Variants in WDTC1 observed in about 807,000 individuals in gnomAD.
WDTC1 encodes WD and tetratricopeptide repeats protein 1.
Under a neutral mutation model 76.0 loss-of-function variants are expected in WDTC1, and 12 were observed. The observed-to-expected ratio is 0.16, with a 90% confidence interval of 0.10 to 0.26. The LOEUF (loss-of-function observed/expected upper bound fraction) is 0.26. Among genes scored for constraint, WDTC1 ranks in the 10% least tolerant of loss-of-function variants. The pLI is 1.00. For missense variants in WDTC1, 511 were observed against 908.8 expected (o/e 0.56, Z 5.63); for synonymous variants, 326 against 350.8 (o/e 0.93, Z 0.79).
intron 1 of WDTC1, among the ~76,000 whole-genome samples, chr1:27,251,785 C>T (rs1400922760): frequency 6.6e-6 from 1 of 151,624 alleles, no homozygotes; most frequent in Admixed American, 6.6e-5. Context: ...TATGATCGCA[C>T]CACTATATAG....
Position 27,234,827 on chromosome 1 carries a change from G to A in WDTC1, c.-224G>A, listed in dbSNP as rs935881973. The A allele has an allele frequency of 1.5e-5, 6 of 397,220 alleles. No homozygotes were observed. The highest frequency in any genetic ancestry group is 8.3e-5 in the African/African-American group (4 of 48,470). 24.6% of individuals were successfully genotyped at this position (397,220 alleles called of 1,614,324 possible). A position where few individuals can be genotyped will look rare whatever the true frequency, so the allele number is the denominator to read the frequency against. On this transcript the variant is annotated 5_prime_UTR_variant, in exon 1 of 16. Coordinates refer to ENST00000319394, the MANE Select transcript of WDTC1 (RefSeq NM_001276252.2). Reference sequence around the variant, plus strand: ...GGGAGCATGGGAAGGGGCTAGAACTGCTCGAGCCCCCCAGCCCCCTCCCCG... The same window carrying A: ...GGGAGCATGGGAAGGGGCTAGAACTACTCGAGCCCCCCAGCCCCCTCCCCG...
At chr1:27,260,745 G>C (rs569173212) in intron 1 of WDTC1, among the ~76,000 whole-genome samples, 49 of 152,296 alleles carry the variant, frequency 3.2e-4, no homozygotes, top group Admixed American at 9.1e-4. Flanking sequence ...TTCCGTGTTT[G>C]TTCCAATGCT....
intron 1 of WDTC1, among the ~76,000 whole-genome samples, chr1:27,258,830 C>T (rs1221182937): frequency 1.3e-5 from 2 of 152,108 alleles, no homozygotes; most frequent in Non-Finnish European, 2.9e-5. Context: ...TAGAGGAGGC[C>T]AGCTGGTGAG....
chr1:27,298,122 A>G lies in WDTC1; in HGVS notation c.1232+11A>G. On this transcript the variant is annotated intron_variant, in intron 12 of 15. Coordinates refer to ENST00000319394, the MANE Select transcript of WDTC1 (RefSeq NM_001276252.2). ...CATGAAGCGCAAGTGGTGAGTGGCCACTGCAGAGGGGATCTGGGTCAGGAT... is the reference window on the plus strand; with the variant it reads ...CATGAAGCGCAAGTGGTGAGTGGCCGCTGCAGAGGGGATCTGGGTCAGGAT... 2 of 1,581,320 alleles carry G rather than the reference A, an allele frequency of 1.3e-6. No individual in the cohort carries two copies. The highest frequency in any genetic ancestry group is 8.6e-7 in the Non-Finnish European group (1 of 1,158,156).
intron 1 of WDTC1, among the ~76,000 whole-genome samples, chr1:27,240,045 T>A (rs1269064137): frequency 6.6e-6 from 1 of 151,874 alleles, no homozygotes; most frequent in African/African-American, 2.4e-5. Context: ...CGCGCCACCA[T>A]GCCTGGATAA....
At position 27,307,139 on chromosome 1, in the gene WDTC1, C is replaced by T. The variant is rs2013974273; in HGVS notation, c.*756C>T. The stretch of plus-strand genomic sequence containing the variant: ...AGCACTTCTGCACTACGGCCATTCT[C>T]CTCTTGGGCGCTCCTCAGCCTCACT... On this transcript the variant is annotated 3_prime_UTR_variant, in exon 16 of 16. Coordinates refer to ENST00000319394, the MANE Select transcript of WDTC1 (RefSeq NM_001276252.2). This position sits in a 1 kb window ranked among gnomAD's most constrained non-coding sequence, Gnocchi z 4.1. 2 of 153,126 alleles carry T rather than the reference C, an allele frequency of 1.3e-5. No homozygotes were observed. Among genetic ancestry groups the T allele is most frequent in the South Asian group, 4.1e-4 (2 of 4,840 alleles). The allele number at this position is 153,126 out of a possible 1,614,324, so 9.5% of individuals were successfully genotyped here. A position where few individuals can be genotyped will look rare whatever the true frequency, so the allele number is the denominator to read the frequency against.
At chr1:27,297,251 C>T (rs2013718816) in intron 11 of WDTC1, 95 bp downstream of exon 11, 7 of 1,144,574 alleles carry the variant, frequency 6.1e-6, no homozygotes, top group South Asian at 2.9e-5. Flanking sequence ...TCCTGACCCA[C>T]ACCCACTCAT....
chr1:27,303,501 G>T lies in WDTC1; in HGVS notation c.1469-120G>T. Reference sequence around the variant, plus strand: ...CTTTCCCCAGTTTTCCAGGATAAGGGTGGAGGCAGGTAGCTCTATGTTGTC... The same window carrying T: ...CTTTCCCCAGTTTTCCAGGATAAGGTTGGAGGCAGGTAGCTCTATGTTGTC... On this transcript the variant is annotated intron_variant, in intron 13 of 15. Transcript: ENST00000319394. The surrounding 1 kb of genome is among the most constrained non-coding windows in gnomAD (Gnocchi z 4.8). The T allele has an allele frequency of 1.6e-6, 2 of 1,252,484 alleles. No individual in the cohort carries two copies. The highest frequency in any genetic ancestry group is 2.1e-6 in the Non-Finnish European group (2 of 933,428). The allele number at this position is 1,252,484 out of a possible 1,614,324, so 77.6% of individuals were successfully genotyped here.
In WDTC1 at chr1:27,283,328, C is replaced by G; in HGVS notation, c.180-10C>G. On this transcript the variant is annotated splice_polypyrimidine_tract_variant and intron_variant, in intron 4 of 15. Coordinates refer to ENST00000319394, the MANE Select transcript of WDTC1 (RefSeq NM_001276252.2). ...TGAGGAGAGATCACAATCCCTCACT[C>G]TGCTTTCAGCTTGCTGGCCTCTGGT... 6.2e-7 allele frequency: 1 copy of G among 1,613,312 alleles called. No homozygotes were observed. Among genetic ancestry groups the G allele is most frequent in the Non-Finnish European group, 8.5e-7 (1 of 1,179,814 alleles).
intron 1 of WDTC1, among the ~76,000 whole-genome samples, chr1:27,246,236 T>C (rs2011826452): frequency 6.6e-6 from 1 of 152,202 alleles, no homozygotes; most frequent in African/African-American, 2.4e-5. Flanking sequence ...CCTTGAGCTA[T>C]CACATTCCTC....
In WDTC1 at chr1:27,303,480, C is replaced by T; in HGVS notation, c.1469-141C>T. 10 of 1,066,838 alleles carry T rather than the reference C, an allele frequency of 9.4e-6. No homozygotes were observed. The highest frequency in any genetic ancestry group is 1.3e-5 in the Non-Finnish European group (10 of 776,982). 66.1% of individuals were successfully genotyped at this position (1,066,838 alleles called of 1,614,324 possible). ...AAGATGCATCTTCCTCACAACCTTT[C>T]CCCAGTTTTCCAGGATAAGGGTGGA... On this transcript the variant is annotated intron_variant, in intron 13 of 15. Transcript: ENST00000319394. This position sits in a 1 kb window ranked among gnomAD's most constrained non-coding sequence, Gnocchi z 4.8.
chr1:27,248,562 A>G (rs1453381999), intron 1 of WDTC1, among the ~76,000 whole-genome samples: 1 of 152,182 alleles, frequency 6.6e-6, no homozygotes, highest in Non-Finnish European at 1.5e-5. Context: ...TGTCAGATGC[A>G]TAGTTTGCAA....
intron 3 of WDTC1, 93 bp downstream of exon 3, chr1:27,263,328 G>T: frequency 8.0e-7 from 1 of 1,257,056 alleles, no homozygotes. Context: ...GCATAAACAA[G>T]TGTTTCTCTG....
At chr1:27,246,450 A>T (rs983733033) in intron 1 of WDTC1, among the ~76,000 whole-genome samples, 2 of 152,200 alleles carry the variant, frequency 1.3e-5, no homozygotes, top group Admixed American at 6.5e-5. Context: ...GGATATTAAC[A>T]CATTATATTT....
chr1:27,284,905 A>G (rs2013289698), intron 5 of WDTC1, among the ~76,000 whole-genome samples: 1 of 152,142 alleles, frequency 6.6e-6, no homozygotes, highest in Admixed American at 6.5e-5. Context: ...CCACAAGATC[A>G]TGACAAGGGC....
chr1:27,300,318 C>T (rs1225899483), intron 12 of WDTC1, among the ~76,000 whole-genome samples: 3 of 151,840 alleles, frequency 2.0e-5, no homozygotes, highest in Non-Finnish European at 2.9e-5. Context: ...CCTAGGCCTA[C>T]TCCAGCCCAG....
chr1:27,278,034 G>A (rs1263981520), intron 3 of WDTC1, among the ~76,000 whole-genome samples: 2 of 151,766 alleles, frequency 1.3e-5, no homozygotes, highest in African/African-American at 2.4e-5. Flanking sequence ...GTAGAGATGG[G>A]GTTTCACCAT....
rs779169398 is a variant in WDTC1 at position 27,301,840 on chromosome 1, A to G, written c.1468+379A>G. Among the ~76,000 whole-genome samples, 4 of 152,118 alleles carry G rather than the reference A, an allele frequency of 2.6e-5. No homozygotes were observed. Among genetic ancestry groups the G allele is most frequent in the Non-Finnish European group, 5.9e-5 (4 of 68,006 alleles). ...GGCATCTGAGAGGCAGAAGCTGGTC[A>G]TTGTGTTTGTTCCGAGTGTACAAGT... On this transcript the variant is annotated intron_variant, in intron 13 of 15. Transcript: ENST00000319394. This position sits in a 1 kb window ranked among gnomAD's most constrained non-coding sequence, Gnocchi z 5.8.
chr1:27,273,354 G>A lies in WDTC1; in HGVS notation c.133-8885G>A, dbSNP rs572685988. The stretch of plus-strand genomic sequence containing the variant: ...CTACCAAGTAGCTGGGACTACAGGC[G>A]CCCGCCACCACGCCCGGCTAATTTT... On this transcript the variant is annotated intron_variant, in intron 3 of 15. Coordinates refer to ENST00000319394, the MANE Select transcript of WDTC1 (RefSeq NM_001276252.2). Among the ~76,000 whole-genome samples, 3 of 151,778 alleles carry A rather than the reference G, an allele frequency of 2.0e-5. No homozygotes were observed. The East Asian group carries it at 5.8e-4, about 30-fold the overall frequency.
Sources: allele counts gnomAD v4.1 joint callset (sites outside exome capture counted in the v4.1 genomes callset), GRCh38; gene constraint gnomAD v4.1.1; non-coding constraint Gnocchi (gnomAD v3.1); transcripts MANE v1.5; gene names NCBI Gene and HGNC (gene_info 2026-07-23, HGNC 2026-07-21).